Variants in CEP85L observed in about 807,000 individuals in gnomAD.
CEP85L encodes the protein centrosomal protein of 85 kDa-like.
CEP85L carries 60 observed loss-of-function variants against 100.3 expected under a neutral mutation model. That is an observed-to-expected ratio of 0.60 (90% confidence interval 0.49 to 0.74). The LOEUF is 0.74. Ranked by LOEUF, CEP85L falls within the 30% of genes least tolerant of loss-of-function variation. CEP85L has a pLI of 0.00. For synonymous variants in CEP85L, 319 were observed against 322.7 expected, an observed-to-expected ratio of 0.99 and a Z score of 0.12; for missense variants, 973 against 936.2, an observed-to-expected ratio of 1.04 and a Z score of -0.51.
At chr6:118,564,098 T>C (rs1332088796) in intron 3 of CEP85L, among the ~76,000 whole-genome samples, 1 of 151,702 alleles carries the variant, frequency 6.6e-6, no homozygotes, top group Admixed American at 6.6e-5. Flanking sequence ...AACAAATTTA[T>C]CTCAACAGTG....
intron 4 of CEP85L, among the ~76,000 whole-genome samples, chr6:118,521,732 G>A (rs1333081364): frequency 6.6e-6 from 1 of 152,136 alleles, no homozygotes; most frequent in East Asian, 1.9e-4. Flanking sequence ...CCTGCAGGAT[G>A]ACAGAACATG....
intron 2 of CEP85L, among the ~76,000 whole-genome samples, chr6:118,610,387 G>C (rs1197953170): frequency 2.0e-5 from 3 of 152,284 alleles, no homozygotes; most frequent in Non-Finnish European, 2.9e-5. Context: ...CAAGTAGGGA[G>C]ATAGGGCCTT....
At chr6:118,617,822 T>C (rs894427570) in intron 2 of CEP85L, among the ~76,000 whole-genome samples, 1 of 152,138 alleles carries the variant, frequency 6.6e-6, no homozygotes, top group Non-Finnish European at 1.5e-5. Context: ...GCCAGGAGAC[T>C]CCAGGAAGAG....
intron 3 of CEP85L, among the ~76,000 whole-genome samples, chr6:118,545,017 T>C (rs1413820319): frequency 1.3e-5 from 2 of 148,424 alleles, no homozygotes; most frequent in East Asian, 3.8e-4. Flanking sequence ...TAAAATCTTC[T>C]TCCTGGGTGT....
chr6:118,696,252 G>A (rs769376014), intron 1 of CEP85L, among the ~76,000 whole-genome samples: 20 of 151,594 alleles, frequency 1.3e-4, no homozygotes, highest in Non-Finnish European at 2.8e-4. Context: ...GTGACAGAGC[G>A]AGACTCTGTC....
chr6:118,653,205 C>CA (rs563078957), upstream of CEP85L, among the ~76,000 whole-genome samples: 174 of 152,054 alleles, frequency 1.1e-3, 1 homozygote, highest in African/African-American at 3.9e-3. Flanking sequence ...CTACTACACA[C>CA]AAAAAAAGTA....
chr6:118,542,326 A>C (rs1005067195), intron 3 of CEP85L, among the ~76,000 whole-genome samples: 11 of 152,192 alleles, frequency 7.2e-5, no homozygotes, highest in Admixed American at 5.2e-4. Context: ...CCTGAAGATA[A>C]GGACTTTTTT....
At chr6:118,709,532 C>CGTGTGTGTGTGTGTGTGTGTGTGT (rs1209782027) in intron 1 of CEP85L, among the ~76,000 whole-genome samples, 5,983 of 86,196 alleles carry the variant, frequency 0.069, 266 homozygotes, top group Middle Eastern at 0.11. Context: ...CAACAATTGG[C>CGTGTGTGTGTGTGTGTGTGTGTGT]GTGTGTGTGT....
rs1397529636 is a variant in CEP85L at position 118,479,912 on chromosome 6, T to G, written c.1873A>C (p.Ser625Arg). ...ATTCTGTCAATCTCATCTTGTTGGCTGTCTATTATCTAAAACAAAATAAAT... is the reference window on the plus strand; with the variant it reads ...ATTCTGTCAATCTCATCTTGTTGGCGGTCTATTATCTAAAACAAAATAAAT... ...QNETASKIID[S>R]QQDEIDRMIL... is the part of the protein sequence containing the mutation. The change falls in exon 10 of 13, where the codon AGC becomes CGC. Residue 625 changes from serine (S) to arginine (R), a missense_variant. Around this residue, in one of 3 missense-constraint regions of CEP85L, gnomAD observed 890 missense variants for 844.5 expected, o/e 1.05. Coordinates refer to ENST00000368491, the MANE Select transcript of CEP85L (RefSeq NM_001042475.3). 3 of 1,485,752 alleles carry G rather than the reference T, an allele frequency of 2.0e-6. No homozygotes were observed. Among genetic ancestry groups the G allele is most frequent in the Non-Finnish European group, 1.8e-6 (2 of 1,087,662 alleles). 92.0% of individuals were successfully genotyped at this position (1,485,752 alleles called of 1,614,324 possible).
intron 1 of CEP85L, among the ~76,000 whole-genome samples, chr6:118,649,706 G>GTC (rs1775420130): frequency 6.7e-6 from 1 of 150,158 alleles, no homozygotes; most frequent in Non-Finnish European, 1.5e-5. Flanking sequence ...CCTCTGAACT[G>GTC]TCTCCTTAGG....
At chr6:118,485,396 T>C (rs1434814635) in intron 6 of CEP85L, among the ~76,000 whole-genome samples, 1 of 114,702 alleles carries the variant, frequency 8.7e-6, no homozygotes, top group Admixed American at 7.6e-5. Flanking sequence ...GTCTAATGTA[T>C]AACAATTTTT....
intron 1 of CEP85L, among the ~76,000 whole-genome samples, chr6:118,660,257 A>G (rs1288622671): frequency 6.6e-6 from 1 of 152,258 alleles, no homozygotes; most frequent in East Asian, 1.9e-4. Flanking sequence ...GGTAAACTGT[A>G]TAGGCTTCAA....
chr6:118,644,012 A>C (rs1775036195), intron 1 of CEP85L, among the ~76,000 whole-genome samples: 1 of 152,258 alleles, frequency 6.6e-6, no homozygotes. Flanking sequence ...TAGCTTAATA[A>C]GTGGTAAAGA....
chr6:118,664,584 G>T (rs1776074480), intron 1 of CEP85L: 1 of 152,398 alleles, frequency 6.6e-6, no homozygotes, highest in African/African-American at 2.4e-5. Flanking sequence ...AATGGGAGAT[G>T]TTCTCAGGAA....
chr6:118,684,694 T>A (rs932956912), intron 1 of CEP85L, among the ~76,000 whole-genome samples: 1 of 152,230 alleles, frequency 6.6e-6, no homozygotes, highest in Admixed American at 6.5e-5. Context: ...TGTCGTGGCA[T>A]GTGGGTGTAC....
At chr6:118,470,009 A>C (rs1772823273) in intron 11 of CEP85L, among the ~76,000 whole-genome samples, 1 of 152,178 alleles carries the variant, frequency 6.6e-6, no homozygotes, top group Non-Finnish European at 1.5e-5. Context: ...TAGTGGTTTA[A>C]TTACTTTGAA....
chr6:118,566,394 G>T, intron 2 of CEP85L, 78 bp from the exon 3 acceptor site: 1 of 1,166,598 alleles, frequency 8.6e-7, no homozygotes, highest in Non-Finnish European at 1.2e-6. Context: ...TATGCCAAAA[G>T]AAATATCTGA....
chr6:118,613,482 TGCAGTGGCTCAC>T (rs1772792784), intron 2 of CEP85L, among the ~76,000 whole-genome samples: 1 of 152,050 alleles, frequency 6.6e-6, no homozygotes, highest in South Asian at 2.1e-4. Flanking sequence ...ACTGGCCAGG[TGCAGTGGCTCAC>T]GCCTGTAATC....
chr6:118,661,446 A>G (rs905213068), intron 1 of CEP85L, among the ~76,000 whole-genome samples: 8 of 152,178 alleles, frequency 5.3e-5, no homozygotes, highest in African/African-American at 1.9e-4. Flanking sequence ...AAGGTTTGTT[A>G]TTATTCTTTT....
Sources: gnomAD v4.1 joint callset for allele counts (sites outside exome capture counted in the v4.1 genomes callset) on GRCh38, gnomAD v4.1.1 for gene constraint, gnomAD v4.1.1 regional missense constraint, MANE v1.5 for transcripts, NCBI Gene and HGNC (gene_info 2026-07-23, HGNC 2026-07-21) for gene names.